The following RBFOX1 variants were observed in gnomAD, a reference collection of about 807,000 sequenced individuals.
RBFOX1 encodes the protein RNA binding protein fox-1 homolog 1.
RBFOX1 carries 8 observed loss-of-function variants against 57.7 expected under a neutral mutation model. The observed-to-expected ratio is 0.14, with a 90% CI of 0.08 to 0.25. The LOEUF (loss-of-function observed/expected upper bound fraction) is 0.25, where lower values mean the gene tolerates loss of function less well. RBFOX1 is among the 10% of genes least tolerant of loss of function. The probability of loss-of-function intolerance (pLI) is 1.00; values close to 1 mark genes in which losing one functional copy is unlikely to be tolerated. For synonymous variants in RBFOX1, 326 were observed against 222.4 expected, an observed-to-expected ratio of 1.47 and a Z score of -4.15; for missense variants, 611 against 548.5, an observed-to-expected ratio of 1.11 and a Z score of -1.14.
intron 3 of RBFOX1, among the ~76,000 whole-genome samples, chr16:6,839,670 A>G (rs185602455): frequency 7.0e-4 from 107 of 152,256 alleles, no homozygotes; most frequent in African/African-American, 2.3e-3. Context: ...AAACTCTCCT[A>G]TTTTTAATTA....
At chr16:5,885,857 CTGA>C (rs1482733110) in intron 4 of RBFOX1, among the ~76,000 whole-genome samples, 1 of 152,134 alleles carries the variant, frequency 6.6e-6, no homozygotes, top group African/African-American at 2.4e-5. Context: ...AGCTGGGTTA[CTGA>C]TACAGGTTGG....
chr16:6,286,640 C>T (rs1028072095), intron 1 of RBFOX1, among the ~76,000 whole-genome samples: 2 of 152,112 alleles, frequency 1.3e-5, no homozygotes, highest in Non-Finnish European at 2.9e-5. Flanking sequence ...CATAGCCTTG[C>T]CTGGACTCCG....
intron 4 of RBFOX1, among the ~76,000 whole-genome samples, chr16:7,097,286 G>C (rs964902044): frequency 5.9e-5 from 9 of 152,080 alleles, no homozygotes; most frequent in African/African-American, 2.2e-4. Flanking sequence ...ATTCCAGGAG[G>C]CTAGGCTGGC....
intron 3 of RBFOX1, among the ~76,000 whole-genome samples, chr16:6,824,113 A>G (rs2091774795): frequency 6.6e-6 from 1 of 152,138 alleles, no homozygotes; most frequent in Non-Finnish European, 1.5e-5. Context: ...CAGAATGTAA[A>G]TAGTTATTTG....
chr16:7,150,508 G>A (rs956683039), intron 4 of RBFOX1, among the ~76,000 whole-genome samples: 1 of 152,114 alleles, frequency 6.6e-6, no homozygotes, highest in African/African-American at 2.4e-5. Flanking sequence ...TTCCATAAAT[G>A]ATGACACCAT....
At chr16:6,300,910 T>C (rs2078743414) in intron 1 of RBFOX1, among the ~76,000 whole-genome samples, 1 of 152,204 alleles carries the variant, frequency 6.6e-6, no homozygotes, top group South Asian at 2.1e-4. Context: ...ATGCCCCATT[T>C]ATCTCTGAAT....
chr16:7,514,530 T>A (rs2075920220), intron 4 of RBFOX1, among the ~76,000 whole-genome samples: 1 of 152,290 alleles, frequency 6.6e-6, no homozygotes, highest in Admixed American at 6.5e-5. Context: ...CTGTGTGAGC[T>A]GTGGCCACCA....
chr16:6,111,445 G>A (rs2096445779), intron 1 of RBFOX1, among the ~76,000 whole-genome samples: 1 of 152,186 alleles, frequency 6.6e-6, no homozygotes, highest in African/African-American at 2.4e-5. Context: ...CACCTTTTGA[G>A]TTAAGGAGTT....
At chr16:7,582,028 C>CA (rs774099885) in intron 6 of RBFOX1, among the ~76,000 whole-genome samples, 120 of 1,072 alleles carry the variant, frequency 0.11, no homozygotes, top group Non-Finnish European at 0.17. Flanking sequence ...CATCCAGCAC[C>CA]CCCCCCCCCC....
intron 5 of RBFOX1, among the ~76,000 whole-genome samples, chr16:7,555,428 G>C (rs1367624191): frequency 6.6e-6 from 1 of 152,138 alleles, no homozygotes; most frequent in East Asian, 1.9e-4. Context: ...CACGTAGTTG[G>C]GTAAGATGTT....
At chr16:5,526,672 C>T (rs560859170) in intron 2 of RBFOX1, among the ~76,000 whole-genome samples, 122 of 152,276 alleles carry the variant, frequency 8.0e-4, no homozygotes, top group African/African-American at 2.8e-3. Flanking sequence ...CATCCCAGCC[C>T]AGGTCTGTTA....
intron 4 of RBFOX1, among the ~76,000 whole-genome samples, chr16:7,152,240 A>T (rs1354939964): frequency 6.6e-6 from 1 of 152,226 alleles, no homozygotes; most frequent in East Asian, 1.9e-4. Context: ...GCGGTAGCAC[A>T]AGTAGGCTGT....
At chr16:5,571,915 G>A (rs559879055) in intron 2 of RBFOX1, among the ~76,000 whole-genome samples, 5 of 152,328 alleles carry the variant, frequency 3.3e-5, no homozygotes, top group East Asian at 1.9e-4. Flanking sequence ...GGTTAGAGGC[G>A]TGAGCCACTG....
chr16:5,291,766 G>C (rs201850798), intron 1 of RBFOX1, among the ~76,000 whole-genome samples: 1 of 152,156 alleles, frequency 6.6e-6, no homozygotes, highest in African/African-American at 2.4e-5. Context: ...GTGGTGTCAG[G>C]AGAGTGGCTG....
chr16:7,393,136 AGTG>A (rs1568596751), intron 4 of RBFOX1, among the ~76,000 whole-genome samples: 1 of 152,122 alleles, frequency 6.6e-6, no homozygotes. Context: ...AGCCTCCTAA[AGTG>A]GTGGGATTAC....
chr16:6,210,004 G>A (rs1041157736), intron 1 of RBFOX1, among the ~76,000 whole-genome samples: 2 of 151,822 alleles, frequency 1.3e-5, no homozygotes, highest in African/African-American at 4.8e-5. Flanking sequence ...TCTCCATCTA[G>A]GAACATGACA....
At chr16:7,184,680 C>G (rs1385739463) in intron 4 of RBFOX1, among the ~76,000 whole-genome samples, 1 of 152,104 alleles carries the variant, frequency 6.6e-6, no homozygotes, top group Non-Finnish European at 1.5e-5. Context: ...TTACAAACCC[C>G]CAAACCTGAT....
intron 2 of RBFOX1, among the ~76,000 whole-genome samples, chr16:6,610,005 CACAAA>C (rs71145259): frequency 0.044 from 6,460 of 145,430 alleles, 354 homozygotes; most frequent in East Asian, 0.22. Flanking sequence ...GAGGCTCTGA[CACAAA>C]ACAAAACAAA....
At chr16:5,632,104 T>C (rs972481497) in intron 3 of RBFOX1, among the ~76,000 whole-genome samples, 2 of 152,238 alleles carry the variant, frequency 1.3e-5, no homozygotes, top group African/African-American at 4.8e-5. Context: ...GGCATCTGTG[T>C]GTGCCCAGAA....
Sources: gnomAD v4.1 joint callset for allele counts (sites outside exome capture counted in the v4.1 genomes callset) on GRCh38, gnomAD v4.1.1 for gene constraint, MANE v1.5 for transcripts, NCBI Gene and HGNC (gene_info 2026-07-23, HGNC 2026-07-21) for gene names.